The following RBMXL1 variants were observed in gnomAD, a reference collection of about 807,000 sequenced individuals.
RBMXL1 encodes the protein RNA binding motif protein, X-linked-like-1.
RBMXL1 carries 18 observed loss-of-function variants against 29.0 expected under a neutral mutation model. The observed-to-expected ratio is 0.62, with a 90% confidence interval of 0.43 to 0.92. The LOEUF (loss-of-function observed/expected upper bound fraction) is 0.92, where lower values mean the gene tolerates loss of function less well. RBMXL1 is among the 40% of genes least tolerant of loss of function. RBMXL1 has a pLI of 0.00. For synonymous variants in RBMXL1, 141 were observed against 170.4 expected (o/e 0.83, Z 1.34); for missense variants, 403 against 495.8 (o/e 0.81, Z 1.78).
intron 2 of RBMXL1, 31 bp downstream of exon 2, chr1:88,988,221 A>G (rs1677582921): frequency 6.9e-7 from 1 of 1,444,432 alleles, no homozygotes; most frequent in African/African-American, 1.4e-5. Context: ...GAATATGTAC[A>G]ATAATTTATC....
rs149436017 is a variant in RBMXL1 at position 88,986,160 on chromosome 1, G to A, written c.-241+2092C>T. 8.9e-3 allele frequency among the ~76,000 whole-genome samples: 1,340 copies of A among 149,840 alleles called. 10 individuals carry two copies. Among genetic ancestry groups the A allele is most frequent in the Non-Finnish European group, 0.015 (1,003 of 67,090 alleles). On this transcript the variant is annotated intron_variant, in intron 2 of 2. Transcript: ENST00000652648. ...TGCGCCATTGCACTCCAGCCTGGGC[G>A]GCAAGAGTGAGAGACTGTATGAAAA...
chr1:88,988,113 G>A (rs1430236898), intron 2 of RBMXL1, 139 bp downstream of exon 2: 3 of 583,388 alleles, frequency 5.1e-6, no homozygotes, highest in Non-Finnish European at 6.1e-6. Context: ...TCTAGTCAAT[G>A]ACAAGAGACA....
Position 88,982,539 on chromosome 1 carries a change from A to T in RBMXL1, c.*115T>A. ...CGGAAGGGACTTAACAGGGAATTTA[A>T]AAAAGGTAACACAATTTTTCCTTTT... On this transcript the variant is annotated 3_prime_UTR_variant, in exon 3 of 3. Coordinates refer to ENST00000652648, the MANE Select transcript of RBMXL1 (RefSeq NM_001162536.3). The T allele has an allele frequency of 7.1e-7, 1 of 1,409,064 alleles. No individual in the cohort carries two copies. Among genetic ancestry groups the T allele is most frequent in the East Asian group, 2.4e-5 (1 of 42,308 alleles). 87.3% of individuals were successfully genotyped at this position (1,409,064 alleles called of 1,614,324 possible).
chr1:88,992,104 G>A (rs1337393999), intron 1 of RBMXL1, among the ~76,000 whole-genome samples: 1 of 150,746 alleles, frequency 6.6e-6, no homozygotes. Flanking sequence ...TCAGCCTCCC[G>A]AGTAGCTGGG....
chr1:88,983,922 GC>G lies in RBMXL1; in HGVS notation c.-97del, dbSNP rs1677276463. 1 of 1,455,816 alleles carries G rather than the reference GC, an allele frequency of 6.9e-7. No individual in the cohort carries two copies. The highest frequency in any genetic ancestry group is 9.6e-7 in the Non-Finnish European group (1 of 1,040,862). The allele number at this position is 1,455,816 out of a possible 1,614,324, so 90.2% of individuals were successfully genotyped here. A position where few individuals can be genotyped will look rare whatever the true frequency, so the allele number is the denominator to read the frequency against. ...TCCTAGCAGCTCAGCACCAGTGGCG[GC>G]TGTCAGTTAGGAGGACTGAACCGCG... On this transcript the variant is annotated 5_prime_UTR_variant, in exon 3 of 3. Transcript: ENST00000652648.
intron 1 of RBMXL1, among the ~76,000 whole-genome samples, chr1:88,992,233 C>T (rs1328996875): frequency 2.6e-5 from 4 of 152,198 alleles, no homozygotes; most frequent in Admixed American, 2.0e-4. Flanking sequence ...CCGCCTCGGC[C>T]TCCCAAAGTG....
intron 1 of RBMXL1, among the ~76,000 whole-genome samples, chr1:88,989,447 G>T (rs1677656219): frequency 6.6e-6 from 1 of 152,164 alleles, no homozygotes; most frequent in African/African-American, 2.4e-5. Context: ...CACAATAGGT[G>T]AATAAATTAA....
rs1366405118 is a variant in RBMXL1, at chr1:88,980,238, T to C, written c.*2416A>G. The stretch of plus-strand genomic sequence containing the variant: ...CATGTTGATGGTGACAGTGGCTTCA[T>C]GGCATATACATCTGTCAAAATAACC... On this transcript the variant is annotated 3_prime_UTR_variant, in exon 3 of 3. Coordinates refer to ENST00000652648, the MANE Select transcript of RBMXL1 (RefSeq NM_001162536.3). 1 of 152,564 alleles carries C rather than the reference T, an allele frequency of 6.6e-6. No individual in the cohort carries two copies. The highest frequency in any genetic ancestry group is 1.9e-4 in the East Asian group (1 of 5,200). The allele number at this position is 152,564 out of a possible 1,614,324, so 9.5% of individuals were successfully genotyped here. A position where few individuals can be genotyped will look rare whatever the true frequency, so the allele number is the denominator to read the frequency against.
rs1316064204 is a variant in RBMXL1, at chr1:88,983,988, G to C, written c.-162C>G. 1 of 606,838 alleles carries C rather than the reference G, an allele frequency of 1.6e-6. No individual in the cohort carries two copies. The highest frequency in any genetic ancestry group is 2.3e-5 in the African/African-American group (1 of 44,362). 37.6% of individuals were successfully genotyped at this position (606,838 alleles called of 1,614,324 possible). On this transcript the variant is annotated 5_prime_UTR_variant, in exon 3 of 3. Transcript: ENST00000652648. ...ACTGCGCAATCTGGATGCTTTTTAA[G>C]GTATGGCTATCCATTCAAAAAACCA...
rs1254864063 is a variant in RBMXL1 at position 88,983,690 on chromosome 1, T to C, written c.137A>G (p.Asn46Ser). The C allele has an allele frequency of 1.4e-5, 23 of 1,613,872 alleles. No individual in the cohort carries two copies. The highest frequency in any genetic ancestry group is 1.8e-5 in the Non-Finnish European group (21 of 1,179,984). The change falls in exon 3 of 3, where the codon AAC becomes AGC. Residue 46 changes from asparagine (N) to serine (S), a missense_variant. By Grantham distance (46) the Asn-to-Ser change is conservative. Transcript: ENST00000652648. ...GACAAAAGCAAATCCTCTTGATTTG[T>C]TGGTTTCACGGTCTTTTATCAAGAG... Reference protein sequence around the residue: ...EVLLIKDRETNKSRGFAFVTF... With the variant: ...EVLLIKDRETSKSRGFAFVTF...
rs1677074579 is a variant in RBMXL1, at chr1:88,981,285, A to G, written c.*1369T>C. 6.6e-6 allele frequency: 1 copy of G among 152,242 alleles called. No individual in the cohort carries two copies. Among genetic ancestry groups the G allele is most frequent in the Non-Finnish European group, 1.5e-5 (1 of 68,032 alleles). 9.4% of individuals were successfully genotyped at this position (152,242 alleles called of 1,614,324 possible). A position where few individuals can be genotyped will look rare whatever the true frequency, so the allele number is the denominator to read the frequency against. On this transcript the variant is annotated 3_prime_UTR_variant, in exon 3 of 3. Transcript: ENST00000652648. ...AAAATGTTTCACTTACTGACAAGAC[A>G]CTTCACCAGATAGAGCTACCACTTA...
rs781714183 is a variant in RBMXL1, at chr1:88,983,063, T to C, written c.764A>G (p.Tyr255Cys). ...DYGHSSSRDD[Y>C]PSRGYGDRDG... Reference sequence around the variant, plus strand: ...TCTATCGCCATAGCCTCTTGATGGATAGTCATCACGTGAACTGGAATGACC... The same window carrying C: ...TCTATCGCCATAGCCTCTTGATGGACAGTCATCACGTGAACTGGAATGACC... The change falls in exon 3 of 3, where the codon TAT becomes TGT. Residue 255 changes from tyrosine (Y) to cysteine (C), a missense_variant. Coordinates refer to ENST00000652648, the MANE Select transcript of RBMXL1 (RefSeq NM_001162536.3). 25 of 1,612,444 alleles carry C rather than the reference T, an allele frequency of 1.6e-5. No homozygotes were observed. Among genetic ancestry groups the C allele is most frequent in the Non-Finnish European group, 1.9e-5 (23 of 1,180,004 alleles).
chr1:88,983,180 G>A lies in RBMXL1; in HGVS notation c.647C>T (p.Thr216Ile), dbSNP rs1220392846. The A allele has an allele frequency of 6.2e-7, 1 of 1,612,512 alleles. No homozygotes were observed. The highest frequency in any genetic ancestry group is 1.1e-5 in the South Asian group (1 of 91,022). The change falls in exon 3 of 3, where the codon ACT becomes ATT. Residue 216 changes from threonine to isoleucine, a missense_variant. Thr to Ile is a moderately conservative substitution (Grantham distance 89, BLOSUM62 -1). Coordinates refer to ENST00000652648, the MANE Select transcript of RBMXL1 (RefSeq NM_001162536.3). The stretch of plus-strand genomic sequence containing the variant: ...ATCTCTGCTTGAATAGCTGTCTTTA[G>A]TAGAATACCCATCATCTCTTGGGGA... ...YLSPRDDGYS[T>I]KDSYSSRDYP...
rs1183599036 is a variant in RBMXL1 at position 88,983,555 on chromosome 1, C to T, written c.272G>A (p.Arg91Lys). The T allele has an allele frequency of 6.2e-7, 1 of 1,614,150 alleles. No individual in the cohort carries two copies. The highest frequency in any genetic ancestry group is 1.7e-5 in the Admixed American group (1 of 60,006). ...VEQATKPSFE[R>K]GRHGPPPPPR... The stretch of plus-strand genomic sequence containing the variant: ...AGGTGGGGGCGGTCCATGTCTACCT[C>T]TTTCAAATGATGGTTTGGTGGCTTG... Residue 91 changes from arginine (R) to lysine (K), a missense_variant, in exon 3 of 3, where the codon AGA (arginine) becomes AAA (lysine). Arg to Lys is a conservative substitution (Grantham distance 26). Transcript: ENST00000652648.
intron 1 of RBMXL1, among the ~76,000 whole-genome samples, chr1:88,990,370 C>T (rs906813996): frequency 6.6e-6 from 1 of 152,160 alleles, no homozygotes; most frequent in Non-Finnish European, 1.5e-5. Context: ...CCTCAATCTA[C>T]GCTCCTCAAC....
Position 88,980,093 on chromosome 1 carries a change from T to G in RBMXL1, c.*2561A>C, listed in dbSNP as rs1049531570. The G allele has an allele frequency of 2.6e-5, 4 of 152,172 alleles. No homozygotes were observed. The highest frequency in any genetic ancestry group is 5.9e-5 in the Non-Finnish European group (4 of 68,016). 9.4% of individuals were successfully genotyped at this position (152,172 alleles called of 1,614,324 possible). A position where few individuals can be genotyped will look rare whatever the true frequency, so the allele number is the denominator to read the frequency against. On this transcript the variant is annotated 3_prime_UTR_variant, in exon 3 of 3. Transcript: ENST00000652648. ...TACATGCTACACAATCCCATTTATATAAAATACTAAACACCACCACAAAGC... is the reference window on the plus strand; with the variant it reads ...TACATGCTACACAATCCCATTTATAGAAAATACTAAACACCACCACAAAGC...
rs752079212 is a variant in RBMXL1 at position 88,982,975 on chromosome 1, T to A, written c.852A>T (p.Ser284=). The part of the protein sequence containing the change: ...DHPSGGSYRD[S]YESYGNSRSA... The stretch of plus-strand genomic sequence containing the variant: ...TACGTGAGTTACCATAACTCTCATA[T>A]GAATCTCTGTAGGAACCTCCACTTG... The change falls in exon 3 of 3, where the codon TCA becomes TCT. Residue 284 remains serine (S), a synonymous_variant. Coordinates refer to ENST00000652648, the MANE Select transcript of RBMXL1 (RefSeq NM_001162536.3). 1 of 1,613,646 alleles carries A rather than the reference T, an allele frequency of 6.2e-7. No individual in the cohort carries two copies. The highest frequency in any genetic ancestry group is 1.1e-5 in the South Asian group (1 of 91,062).
At chr1:88,986,824 T>C (rs1677484127) in intron 2 of RBMXL1, among the ~76,000 whole-genome samples, 3 of 152,170 alleles carry the variant, frequency 2.0e-5, no homozygotes, top group Admixed American at 6.5e-5. Context: ...CTTATCACTA[T>C]TGCTTTTGTA....
In RBMXL1 at chr1:88,983,573, G is replaced by A. The variant is rs1341534410; in HGVS notation, c.254C>T (p.Thr85Ile). ...TCTACCTCTTTCAAATGATGGTTTG[G>A]TGGCTTGTTCCACCTTGATGGCTTT... The part of the protein sequence containing the change: ...DGKAIKVEQA[T>I]KPSFERGRHG... The change falls in exon 3 of 3, where the codon ACC becomes ATC. Residue 85 changes from threonine to isoleucine, a missense_variant. Physicochemically the swap from Thr to Ile is moderately conservative, Grantham distance 89 (BLOSUM62 -1). Coordinates refer to ENST00000652648, the MANE Select transcript of RBMXL1 (RefSeq NM_001162536.3). 1.2e-6 allele frequency: 2 copies of A among 1,614,178 alleles called. No individual in the cohort carries two copies. Among genetic ancestry groups the A allele is most frequent in the East Asian group, 2.2e-5 (1 of 44,886 alleles).
Sources: gnomAD v4.1 joint callset for allele counts (sites outside exome capture counted in the v4.1 genomes callset) on GRCh38, gnomAD v4.1.1 for gene constraint, MANE v1.5 for transcripts, NCBI Gene and HGNC (gene_info 2026-07-23, HGNC 2026-07-21) for gene names.